The following RBFOX1 variants were observed in gnomAD, a reference collection of about 807,000 sequenced individuals.
RBFOX1 encodes RNA binding fox-1 homolog 1, also known as RNA binding protein fox-1 homolog 1.
RBFOX1 carries 8 observed loss-of-function variants against 57.7 expected under a neutral mutation model. That is an observed-to-expected ratio of 0.14 (90% CI 0.08 to 0.25). RBFOX1 has a LOEUF of 0.25. Ranked by LOEUF, RBFOX1 falls within the 10% of genes least tolerant of loss-of-function variation. RBFOX1 has a pLI of 1.00. For missense variants in RBFOX1, 611 were observed against 548.5 expected, an observed-to-expected ratio of 1.11 and a Z score of -1.14; for synonymous variants, 326 against 222.4, an observed-to-expected ratio of 1.47 and a Z score of -4.15.
chr16:6,920,565 T>G (rs1210761288), intron 3 of RBFOX1, among the ~76,000 whole-genome samples: 2 of 152,138 alleles, frequency 1.3e-5, no homozygotes, highest in Admixed American at 6.5e-5. Flanking sequence ...ACAACAGAAA[T>G]TTATTCCATT....
chr16:6,536,652 G>A (rs751670026), intron 2 of RBFOX1, among the ~76,000 whole-genome samples: 19 of 152,086 alleles, frequency 1.2e-4, no homozygotes, highest in Non-Finnish European at 2.6e-4. Flanking sequence ...AGCTAGTATG[G>A]CTTGTGAGGG....
chr16:5,412,769 C>T (rs930073006), intron 1 of RBFOX1, among the ~76,000 whole-genome samples: 2 of 152,242 alleles, frequency 1.3e-5, no homozygotes, highest in Non-Finnish European at 2.9e-5. Context: ...GGAGGCTAAT[C>T]AGCCCGCCCT....
chr16:7,678,968 C>T (rs974158116), intron 14 of RBFOX1, among the ~76,000 whole-genome samples: 1 of 152,128 alleles, frequency 6.6e-6, no homozygotes, highest in Non-Finnish European at 1.5e-5. Flanking sequence ...TAATTGGCCT[C>T]TTGTTGTTCA....
At chr16:6,871,240 C>T (rs550482214) in intron 3 of RBFOX1, among the ~76,000 whole-genome samples, 1 of 152,286 alleles carries the variant, frequency 6.6e-6, no homozygotes, top group East Asian at 1.9e-4. Flanking sequence ...GGCTGGAGTG[C>T]ATTGGCATGA....
At chr16:7,584,290 A>G (rs2093975362) in intron 6 of RBFOX1, among the ~76,000 whole-genome samples, 1 of 151,902 alleles carries the variant, frequency 6.6e-6, no homozygotes, top group African/African-American at 2.4e-5. Context: ...AAGCTTCTAG[A>G]TCTTGTTTGT....
intron 3 of RBFOX1, among the ~76,000 whole-genome samples, chr16:7,016,427 A>T (rs140082918): frequency 6.6e-6 from 1 of 152,168 alleles, no homozygotes; most frequent in Non-Finnish European, 1.5e-5. Flanking sequence ...TGCAGACTGG[A>T]TTTAAATCTG....
chr16:5,585,753 A>G (rs538766084), intron 2 of RBFOX1, among the ~76,000 whole-genome samples: 1 of 152,338 alleles, frequency 6.6e-6, no homozygotes, highest in South Asian at 2.1e-4. Context: ...ATCTAACTGT[A>G]TGTGGCCATC....
intron 3 of RBFOX1, among the ~76,000 whole-genome samples, chr16:6,667,195 C>G (rs572314751): frequency 6.6e-6 from 1 of 152,060 alleles, no homozygotes; most frequent in Admixed American, 6.6e-5. Flanking sequence ...TCTGATGGGC[C>G]GGAAACCTAA....
At position 7,688,244 on chromosome 16, in the gene RBFOX1, TGTGTGTGTGTGTGTGTGAGAGA is replaced by T. The variant is rs1221390631; in HGVS notation, c.995+11408_995+11429del. 8.2e-5 allele frequency among the ~76,000 whole-genome samples: 12 copies of T among 145,976 alleles called. No individual in the cohort carries two copies. In the South Asian group the frequency reaches 8.6e-4, roughly 10 times the overall value. ...AAATGTGTGTGTGTGTGTGTGTGTG[TGTGTGTGTGTGTGTGTGAGAGA>T]GAGAGAGAGAGAGAGAGATTCAATA... On this transcript the variant is annotated intron_variant, in intron 14 of 15. Transcript: ENST00000550418.
intron 3 of RBFOX1, among the ~76,000 whole-genome samples, chr16:5,815,500 T>G (rs1046145318): frequency 5.3e-5 from 8 of 152,026 alleles, no homozygotes; most frequent in Non-Finnish European, 7.4e-5. Flanking sequence ...ATTCAGTCAC[T>G]AATGGACCAA....
intron 4 of RBFOX1, among the ~76,000 whole-genome samples, chr16:7,206,475 GCATAT>G (rs2089996967): frequency 6.7e-6 from 1 of 149,458 alleles, no homozygotes; most frequent in East Asian, 2.0e-4. Flanking sequence ...ATGCGTGTGT[GCATAT>G]ATATATGCAC....
intron 1 of RBFOX1, among the ~76,000 whole-genome samples, chr16:5,309,760 A>G (rs143883136): frequency 2.4e-4 from 37 of 152,322 alleles, no homozygotes; most frequent in Middle Eastern, 3.4e-3. Context: ...ATGAAATCCA[A>G]GGGAAGCAAT....
intron 4 of RBFOX1, among the ~76,000 whole-genome samples, chr16:7,386,581 T>G (rs2097886634): frequency 6.6e-6 from 1 of 152,214 alleles, no homozygotes; most frequent in Non-Finnish European, 1.5e-5. Flanking sequence ...CTGCATAGTA[T>G]TCCATGGTGT....
At chr16:7,649,421 C>T (rs1313067253) in intron 11 of RBFOX1, among the ~76,000 whole-genome samples, 1 of 152,194 alleles carries the variant, frequency 6.6e-6, no homozygotes, top group Non-Finnish European at 1.5e-5. Flanking sequence ...GTTTCCTTAA[C>T]CACAAACATC....
chr16:7,251,360 G>A (rs1322017651), intron 4 of RBFOX1, among the ~76,000 whole-genome samples: 2 of 151,534 alleles, frequency 1.3e-5, no homozygotes, highest in African/African-American at 4.9e-5. Flanking sequence ...TCTCTTTTTA[G>A]GGCTGAATGA....
intron 3 of RBFOX1, among the ~76,000 whole-genome samples, chr16:5,624,185 A>T (rs928817483): frequency 4.6e-5 from 7 of 151,882 alleles, no homozygotes; most frequent in African/African-American, 1.5e-4. Context: ...CCTTTTAGTG[A>T]CTCTCCTGCT....
intron 4 of RBFOX1, among the ~76,000 whole-genome samples, chr16:7,424,741 A>G (rs1320154114): frequency 1.3e-5 from 2 of 152,236 alleles, no homozygotes; most frequent in Non-Finnish European, 2.9e-5. Flanking sequence ...TTGGGATCAT[A>G]GTATTATCCT....
At chr16:7,485,387 T>C (rs1166546248) in intron 4 of RBFOX1, among the ~76,000 whole-genome samples, 1 of 152,248 alleles carries the variant, frequency 6.6e-6, no homozygotes, top group African/African-American at 2.4e-5. Flanking sequence ...GTTTACCTTG[T>C]ACTTTTATTT....
At chr16:7,554,989 A>G (rs1320963032) in intron 5 of RBFOX1, among the ~76,000 whole-genome samples, 2 of 152,204 alleles carry the variant, frequency 1.3e-5, no homozygotes, top group Admixed American at 6.5e-5. Context: ...ATTATTTAGC[A>G]TTTAGGTAGT....
Sources: gnomAD v4.1 joint callset for allele counts (sites outside exome capture counted in the v4.1 genomes callset) on GRCh38, gnomAD v4.1.1 for gene constraint, MANE v1.5 for transcripts, NCBI Gene and HGNC (gene_info 2026-07-23, HGNC 2026-07-21) for gene names.